SLC24A2: variants seen among roughly 807,000 people sequenced by gnomAD.
SLC24A2 encodes sodium/potassium/calcium exchanger 2.
A neutral mutation model predicts 62.0 loss-of-function variants in SLC24A2; 36 were observed. The observed-to-expected ratio is 0.58, with a 90% CI of 0.44 to 0.77. The LOEUF (loss-of-function observed/expected upper bound fraction) is 0.77, where lower values mean the gene tolerates loss of function less well. SLC24A2 is among the 30% of genes least tolerant of loss of function. The pLI, the probability that SLC24A2 is intolerant of heterozygous loss-of-function variation, is 0.00. For missense variants in SLC24A2, 846 were observed against 817.9 expected (o/e 1.03, Z -0.42); for synonymous variants, 358 against 294.0 (o/e 1.22, Z -2.23).
intron 2 of SLC24A2, among the ~76,000 whole-genome samples, chr9:19,698,802 A>G (rs1371909668): frequency 6.6e-6 from 1 of 152,134 alleles, no homozygotes; most frequent in Non-Finnish European, 1.5e-5. Flanking sequence ...GGTGACATGG[A>G]CCCACCCATA....
the SLC24A2 span, among the ~76,000 whole-genome samples, chr9:20,102,844 C>T: frequency 7.4e-4 from 112 of 151,316 alleles, no homozygotes; most frequent in African/African-American, 2.4e-3. Context: ...AGACAGTGGG[C>T]GCAGGACAGT....
chr9:19,851,000 TACACATACA>T, the SLC24A2 span, among the ~76,000 whole-genome samples: 14 of 45,134 alleles, frequency 3.1e-4, no homozygotes, highest in South Asian at 2.0e-3. Context: ...TATATATATA[TACACATACA>T]TATATATATA....
At chr9:20,289,206 C>A in the SLC24A2 span, among the ~76,000 whole-genome samples, 1 of 152,334 alleles carries the variant, frequency 6.6e-6, no homozygotes, top group Non-Finnish European at 1.5e-5. Flanking sequence ...ACTGAAACAG[C>A]ATGCAAATGC....
the SLC24A2 span, among the ~76,000 whole-genome samples, chr9:19,884,197 A>T: frequency 6.6e-6 from 1 of 152,232 alleles, no homozygotes; most frequent in Non-Finnish European, 1.5e-5. Context: ...GGATTTTATA[A>T]CAATGTGTAT....
chr9:19,830,502 C>T, the SLC24A2 span, among the ~76,000 whole-genome samples: 3 of 152,068 alleles, frequency 2.0e-5, no homozygotes, highest in Non-Finnish European at 4.4e-5. Flanking sequence ...ATAACTTATC[C>T]CAAATGACAC....
chr9:19,580,675 G>C (rs535228043), intron 5 of SLC24A2, among the ~76,000 whole-genome samples: 1 of 152,320 alleles, frequency 6.6e-6, no homozygotes, highest in Admixed American at 6.5e-5. Context: ...CTTAAATGGA[G>C]GTTAAATGGA....
At chr9:20,138,159 T>C in the SLC24A2 span, among the ~76,000 whole-genome samples, 1 of 152,186 alleles carries the variant, frequency 6.6e-6, no homozygotes, top group African/African-American at 2.4e-5. Context: ...GCCCTTTGGA[T>C]ATGAATAGCT....
chr9:19,848,280 G>A, the SLC24A2 span, among the ~76,000 whole-genome samples: 7 of 152,136 alleles, frequency 4.6e-5, no homozygotes, highest in Non-Finnish European at 1.0e-4. Context: ...AGAGGAAGAG[G>A]TTTAAATTGT....
chr9:19,901,880 G>T, the SLC24A2 span, among the ~76,000 whole-genome samples: 1 of 152,102 alleles, frequency 6.6e-6, no homozygotes, highest in Admixed American at 6.6e-5. Context: ...AGGTGGTGTT[G>T]GTCAGTTAGT....
the SLC24A2 span, among the ~76,000 whole-genome samples, chr9:19,872,752 C>T: frequency 6.6e-6 from 1 of 152,106 alleles, no homozygotes; most frequent in Non-Finnish European, 1.5e-5. Context: ...TTGGAAACTT[C>T]AAGTGGAAGG....
the SLC24A2 span, among the ~76,000 whole-genome samples, chr9:20,109,186 A>T: frequency 6.6e-6 from 1 of 152,182 alleles, no homozygotes; most frequent in African/African-American, 2.4e-5. Flanking sequence ...GTTCACAGAC[A>T]ATGACAAAAA....
the SLC24A2 span, among the ~76,000 whole-genome samples, chr9:20,241,928 G>A: frequency 6.6e-6 from 1 of 152,164 alleles, no homozygotes. Flanking sequence ...CCTCTCTAAA[G>A]CAAATCTAGC....
chr9:19,674,772 C>G (rs1276928869), intron 2 of SLC24A2, among the ~76,000 whole-genome samples: 1 of 152,000 alleles, frequency 6.6e-6, no homozygotes, highest in Admixed American at 6.6e-5. Flanking sequence ...GTATCTTTTT[C>G]AAAATTTCAT....
chr9:19,537,126 C>T (rs1011538877), intron 8 of SLC24A2, among the ~76,000 whole-genome samples: 97 of 151,136 alleles, frequency 6.4e-4, no homozygotes, highest in South Asian at 5.5e-3. Context: ...GAGTAGGTTG[C>T]GAAAATTTTC....
At chr9:19,847,194 A>G in the SLC24A2 span, among the ~76,000 whole-genome samples, 5 of 152,356 alleles carry the variant, frequency 3.3e-5, no homozygotes, top group South Asian at 1.0e-3. Context: ...ATCATTCAGA[A>G]GGTAACAAAG....
chr9:19,662,377 T>C lies in SLC24A2; in HGVS notation c.931-40078A>G, dbSNP rs555826776. On this transcript the variant is annotated intron_variant, in intron 2 of 10. Transcript: ENST00000341998. The stretch of plus-strand genomic sequence containing the variant: ...GGGCTGAGTAGCCATGTGTATTGGA[T>C]AGCGCAACACTGGACCGCATGTTCT... 5.3e-5 allele frequency among the ~76,000 whole-genome samples: 8 copies of C among 152,316 alleles called. No individual in the cohort carries two copies. The East Asian group carries it at 1.2e-3, about 22-fold the overall frequency.
chr9:19,976,473 T>C, the SLC24A2 span, among the ~76,000 whole-genome samples: 176 of 152,326 alleles, frequency 1.2e-3, 1 homozygote, highest in Non-Finnish European at 1.6e-3. Flanking sequence ...TAGGACATGC[T>C]TACTTCCCCT....
At chr9:19,751,581 G>A (rs1045815803) in intron 2 of SLC24A2, among the ~76,000 whole-genome samples, 2 of 152,086 alleles carry the variant, frequency 1.3e-5, no homozygotes, top group Non-Finnish European at 2.9e-5. Context: ...CCAATGCTGG[G>A]GAGAAAGGAG....
At chr9:19,895,581 C>A in the SLC24A2 span, among the ~76,000 whole-genome samples, 8 of 137,768 alleles carry the variant, frequency 5.8e-5, no homozygotes, top group African/African-American at 2.2e-4. Flanking sequence ...GTAAGAAACA[C>A]TTTATTATAA....
Sources: gnomAD v4.1 joint callset for allele counts (sites outside exome capture counted in the v4.1 genomes callset) on GRCh38, gnomAD v4.1.1 for gene constraint, MANE v1.5 for transcripts, NCBI Gene and HGNC (gene_info 2026-07-23, HGNC 2026-07-21) for gene names.